The following G3BP2 variants were observed in gnomAD, a reference collection of about 807,000 sequenced individuals.
G3BP2 encodes the protein ras GTPase-activating protein-binding protein 2.
G3BP2 carries 11 observed loss-of-function variants against 56.7 expected under a neutral mutation model. That is an observed-to-expected ratio of 0.19 (90% CI 0.12 to 0.32). G3BP2 has a LOEUF of 0.32. Ranked by LOEUF, G3BP2 falls within the 10% of genes least tolerant of loss-of-function variation. The probability of loss-of-function intolerance (pLI) is 1.00; values close to 1 mark genes in which losing one functional copy is unlikely to be tolerated. For missense variants in G3BP2, 340 were observed against 610.9 expected (o/e 0.56, Z 4.67); for synonymous variants, 165 against 191.6 (o/e 0.86, Z 1.15).
At chr4:75,677,311 G>T (rs536185721), upstream of G3BP2, among the ~76,000 whole-genome samples, 1 of 151,964 alleles carries the variant, frequency 6.6e-6, no homozygotes, top group African/African-American at 2.4e-5. Context: ...AGTGGTTCAC[G>T]CCTGTAACCC....
intron 3 of G3BP2, among the ~76,000 whole-genome samples, chr4:75,709,506 G>A (rs1719677693): frequency 6.7e-6 from 1 of 150,372 alleles, no homozygotes; most frequent in Admixed American, 6.7e-5. Context: ...CAACTACTCT[G>A]TAGGCTGAGG....
chr4:75,674,729 T>TATATATACA (rs55653699), upstream of G3BP2, among the ~76,000 whole-genome samples: 3 of 111,328 alleles, frequency 2.7e-5, no homozygotes, highest in Non-Finnish European at 5.7e-5. Flanking sequence ...TTTTTTTTTT[T>TATATATACA]TTTTTTTTTT....
At chr4:75,657,479 C>A (rs1194914885) in intron 4 of G3BP2, 78 bp downstream of exon 4, 4 of 1,039,870 alleles carry the variant, frequency 3.8e-6, no homozygotes, top group Non-Finnish European at 1.4e-6. Context: ...CAAATCTAAA[C>A]CTATTAGAAG....
chr4:75,714,520 C>A (rs755576562), intron 3 of G3BP2, among the ~76,000 whole-genome samples: 6 of 152,060 alleles, frequency 3.9e-5, no homozygotes, highest in Admixed American at 6.6e-5. Context: ...TCCAGCTACT[C>A]AGGAGGCAGA....
At chr4:75,676,662 C>T (rs1260950343), upstream of G3BP2, among the ~76,000 whole-genome samples, 1 of 152,190 alleles carries the variant, frequency 6.6e-6, no homozygotes, top group Admixed American at 6.5e-5. Flanking sequence ...TACTTTGCAT[C>T]ACTGTTACTG....
chr4:75,648,754 G>GAA lies in G3BP2; in HGVS notation c.826-15_826-14dup. The GAA allele has an allele frequency of 1.1e-5, 17 of 1,495,826 alleles. No individual in the cohort carries two copies. Among genetic ancestry groups the GAA allele is most frequent in the Non-Finnish European group, 1.4e-5 (15 of 1,087,558 alleles). 92.7% of individuals were successfully genotyped at this position (1,495,826 alleles called of 1,614,324 possible). ...CTTCGACTCTTGGCTAAAATATAAA[G>GAA]AAAAAAAAACATTATAAAAAACACT... On this transcript the variant is annotated splice_polypyrimidine_tract_variant and intron_variant, in intron 8 of 11. Coordinates refer to ENST00000359707, the MANE Select transcript of G3BP2 (RefSeq NM_203505.3).
chr4:75,656,055 A>G lies in G3BP2; in HGVS notation c.443-185T>C, dbSNP rs186619922. On this transcript the variant is annotated intron_variant, in intron 5 of 11. Coordinates refer to ENST00000359707, the MANE Select transcript of G3BP2 (RefSeq NM_203505.3). ...GCCCAGGCTGGAGTGCAGTGGTGTG[A>G]TCTTGGCTCACTGCAACCTCCGCCT... is the stretch of plus-strand genomic sequence containing the variant. Among the ~76,000 whole-genome samples, 303 of 143,778 alleles carry G rather than the reference A, an allele frequency of 2.1e-3. 4 individuals carry two copies. The highest frequency in any genetic ancestry group is 7.3e-3 in the African/African-American group (278 of 38,260). 94.3% of individuals were successfully genotyped at this position (143,778 alleles called of 152,430 possible). A position where few individuals can be genotyped will look rare whatever the true frequency, so the allele number is the denominator to read the frequency against.
chr4:75,646,264 G>A (rs767995981), intron 11 of G3BP2, 74 bp downstream of exon 11: 6 of 720,372 alleles, frequency 8.3e-6, no homozygotes, highest in Non-Finnish European at 1.2e-5. Context: ...ATTTTCTATG[G>A]TTTTTAAATA....
chr4:75,648,235 C>T (rs1731379606), intron 9 of G3BP2, among the ~76,000 whole-genome samples: 2 of 151,720 alleles, frequency 1.3e-5, no homozygotes, highest in South Asian at 4.2e-4. Flanking sequence ...GTAATCCCAG[C>T]TACTTGGGAG....
chr4:75,699,487 A>G (rs905334580), intron 3 of G3BP2, among the ~76,000 whole-genome samples: 3 of 152,144 alleles, frequency 2.0e-5, no homozygotes, highest in Non-Finnish European at 4.4e-5. Flanking sequence ...CTGACCCTAA[A>G]GCCTATGCCC....
rs376699524 is a variant in G3BP2, at chr4:75,647,559, A to G, written c.929-402T>C. On this transcript the variant is annotated intron_variant, in intron 9 of 11. Transcript: ENST00000359707. ...TCTTTGGCTTTATGACATTACAGCA[A>G]TCAGTAAATTTTAACAGCAATCATC... 7.8e-4 allele frequency among the ~76,000 whole-genome samples: 119 copies of G among 152,350 alleles called. 2 individuals carry two copies. In the East Asian group the frequency reaches 0.017, roughly 22 times the overall value.
At chr4:75,693,907 T>A (rs1219895423) in intron 3 of G3BP2, among the ~76,000 whole-genome samples, 2 of 152,052 alleles carry the variant, frequency 1.3e-5, no homozygotes, top group African/African-American at 2.4e-5. Context: ...GGCTAATTTT[T>A]TTTTTTTAAT....
intron 8 of G3BP2, among the ~76,000 whole-genome samples, chr4:75,652,590 T>TA (rs1374823551): frequency 6.6e-6 from 1 of 152,068 alleles, no homozygotes; most frequent in African/African-American, 2.4e-5. Context: ...CCACTGCCAC[T>TA]ACCACTGCAC....
intron 3 of G3BP2, among the ~76,000 whole-genome samples, chr4:75,719,778 G>A (rs1329906342): frequency 4.0e-5 from 6 of 151,746 alleles, no homozygotes; most frequent in Non-Finnish European, 8.8e-5. Context: ...TAGTAGAGAC[G>A]GGATTTCTCC....
chr4:75,669,151 G>A (rs951169297), intron 1 of G3BP2, among the ~76,000 whole-genome samples: 2 of 152,060 alleles, frequency 1.3e-5, no homozygotes, highest in African/African-American at 4.8e-5. Flanking sequence ...TTCTAACCTG[G>A]CAATTTCAGC....
chr4:75,669,403 A>T (rs561961292), intron 1 of G3BP2, among the ~76,000 whole-genome samples: 2 of 152,278 alleles, frequency 1.3e-5, no homozygotes, highest in East Asian at 3.9e-4. Context: ...TACAATTCAG[A>T]AGGTGGAATT....
At chr4:75,660,281 ACATT>A (rs1170322926) in intron 2 of G3BP2, among the ~76,000 whole-genome samples, 1 of 152,190 alleles carries the variant, frequency 6.6e-6, no homozygotes, top group East Asian at 1.9e-4. Flanking sequence ...TCCCTCACAT[ACATT>A]GTCATAAAAA....
chr4:75,710,875 G>C (rs778491603), intron 3 of G3BP2, among the ~76,000 whole-genome samples: 16 of 151,946 alleles, frequency 1.1e-4, no homozygotes, highest in South Asian at 2.1e-4. Flanking sequence ...TGTTGCCCAG[G>C]CTGGTCTTGA....
intron 1 of G3BP2, among the ~76,000 whole-genome samples, chr4:75,666,543 A>G (rs948312555): frequency 3.9e-5 from 6 of 152,218 alleles, no homozygotes; most frequent in African/African-American, 1.4e-4. Flanking sequence ...GCCAAAATAT[A>G]ATTGATAGAA....
Sources: allele counts gnomAD v4.1 joint callset (sites outside exome capture counted in the v4.1 genomes callset), GRCh38; gene constraint gnomAD v4.1.1; transcripts MANE v1.5; gene names NCBI Gene and HGNC (gene_info 2026-07-23, HGNC 2026-07-21).